Variants in TTC28 observed in about 807,000 individuals in gnomAD.
TTC28 encodes tetratricopeptide repeat domain 28, also known as tetratricopeptide repeat protein 28.
TTC28 carries 61 observed loss-of-function variants against 198.0 expected under a neutral mutation model. The ratio of observed to expected loss-of-function variants is 0.31; its 90% CI spans 0.25 to 0.38. TTC28 has a LOEUF of 0.38. Ranked by LOEUF, TTC28 falls within the 10% of genes least tolerant of loss-of-function variation. TTC28 has a pLI of 1.00. For missense variants in TTC28, 2,678 were observed against 3,164.0 expected, an observed-to-expected ratio of 0.85 and a Z score of 3.69; for synonymous variants, 1,171 against 1,297.8, an observed-to-expected ratio of 0.90 and a Z score of 2.10.
At chr22:28,186,768 A>T (rs1480394513) in intron 5 of TTC28, among the ~76,000 whole-genome samples, 1 of 152,144 alleles carries the variant, frequency 6.6e-6, no homozygotes, top group Non-Finnish European at 1.5e-5. Context: ...TGGTGAAAGG[A>T]GAGGTGATGA....
At chr22:28,110,443 T>A (rs967185705) in intron 6 of TTC28, among the ~76,000 whole-genome samples, 1 of 152,234 alleles carries the variant, frequency 6.6e-6, no homozygotes, top group African/African-American at 2.4e-5. Context: ...GCAAGAGCAC[T>A]GTAAAACTGC....
In TTC28 at chr22:27,998,826, G is replaced by A. The variant is rs1192040506; in HGVS notation, c.4833C>T (p.Val1611=). 1.3e-6 allele frequency: 2 copies of A among 1,550,276 alleles called. No homozygotes were observed. Among genetic ancestry groups the A allele is most frequent in the East Asian group, 4.9e-5 (2 of 40,938 alleles). Reference sequence around the variant, plus strand: ...GCTTCACAGGCAGCTGCAGGTCCAGGACGTCGGCGGCAGTAAGCAGCAGCT... The same window carrying A: ...GCTTCACAGGCAGCTGCAGGTCCAGAACGTCGGCGGCAGTAAGCAGCAGCT... ...LQELLLTAAD[V]LDLQLPVKLV... Residue 1611 remains valine (V), a synonymous_variant, in exon 16 of 23, where the codon GTC becomes GTT. Coordinates refer to ENST00000397906, the MANE Select transcript of TTC28 (RefSeq NM_001145418.2).
intron 14 of TTC28, among the ~76,000 whole-genome samples, chr22:28,011,128 T>G (rs879762035): frequency 1.3e-5 from 2 of 152,148 alleles, no homozygotes; most frequent in Non-Finnish European, 2.9e-5. Context: ...AATGACATGG[T>G]GTTTCCATTA....
chr22:28,539,468 C>G (rs578102558), intron 2 of TTC28, among the ~76,000 whole-genome samples: 125 of 152,022 alleles, frequency 8.2e-4, no homozygotes, highest in Non-Finnish European at 8.7e-4. Flanking sequence ...AAACCCATCT[C>G]TATAAAAATA....
chr22:28,200,613 C>T (rs181827143), intron 5 of TTC28, among the ~76,000 whole-genome samples: 22 of 152,102 alleles, frequency 1.4e-4, no homozygotes, highest in African/African-American at 3.9e-4. Flanking sequence ...GGTTTAGAAT[C>T]GGAGGGCTAG....
At chr22:28,561,931 C>T (rs535752529) in intron 2 of TTC28, among the ~76,000 whole-genome samples, 1 of 152,142 alleles carries the variant, frequency 6.6e-6, no homozygotes, top group Admixed American at 6.5e-5. Context: ...AGTATGTTGG[C>T]CCTGACAAAA....
intron 2 of TTC28, chr22:28,442,858 G>GC (rs1197257759): frequency 1.3e-5 from 2 of 152,380 alleles, no homozygotes; most frequent in Admixed American, 1.3e-4. Context: ...GGGCTTTGGG[G>GC]CCCCATTCCC....
chr22:28,535,795 T>C (rs1013884190), intron 2 of TTC28, among the ~76,000 whole-genome samples: 1 of 152,168 alleles, frequency 6.6e-6, no homozygotes, highest in African/African-American at 2.4e-5. Flanking sequence ...ATGTGAAGAC[T>C]GTGCCTGCTT....
At chr22:28,181,452 C>T (rs896299753) in intron 5 of TTC28, among the ~76,000 whole-genome samples, 1 of 152,182 alleles carries the variant, frequency 6.6e-6, no homozygotes, top group African/African-American at 2.4e-5. Context: ...AATAGTAAAA[C>T]TGCATTTAGT....
At chr22:28,547,823 A>T (rs1469288940) in intron 2 of TTC28, among the ~76,000 whole-genome samples, 1 of 152,110 alleles carries the variant, frequency 6.6e-6, no homozygotes, top group Non-Finnish European at 1.5e-5. Context: ...AGTTAAAAAA[A>T]AAAAAAGTAA....
chr22:28,329,023 C>G (rs904138676), intron 2 of TTC28, among the ~76,000 whole-genome samples: 4 of 151,836 alleles, frequency 2.6e-5, no homozygotes, highest in Admixed American at 2.0e-4. Context: ...AAGAAACTTA[C>G]CCAAGTTGCA....
At chr22:28,385,464 T>A (rs1188352946) in intron 2 of TTC28, among the ~76,000 whole-genome samples, 2 of 151,718 alleles carry the variant, frequency 1.3e-5, no homozygotes, top group Non-Finnish European at 2.9e-5. Context: ...CAGTTTACAT[T>A]TTTAGTTTTA....
At chr22:28,610,490 C>A (rs2050802276) in intron 2 of TTC28, among the ~76,000 whole-genome samples, 1 of 152,136 alleles carries the variant, frequency 6.6e-6, no homozygotes, top group Non-Finnish European at 1.5e-5. Flanking sequence ...AGACCTGCAG[C>A]AGAGGGGCCT....
intron 2 of TTC28, among the ~76,000 whole-genome samples, chr22:28,577,544 G>C (rs2050169632): frequency 6.6e-6 from 1 of 152,078 alleles, no homozygotes; most frequent in African/African-American, 2.4e-5. Context: ...TGGATGATCT[G>C]TCCAATGCTG....
rs1936920600 is a variant in TTC28, at chr22:27,978,570, G to C, written c.*3651C>G. 1 of 152,268 alleles carries C rather than the reference G, an allele frequency of 6.6e-6. No individual in the cohort carries two copies. The highest frequency in any genetic ancestry group is 6.5e-5 in the Admixed American group (1 of 15,290). The allele number at this position is 152,268 out of a possible 1,614,324, so 9.4% of individuals were successfully genotyped here. On this transcript the variant is annotated 3_prime_UTR_variant, in exon 23 of 23. Transcript: ENST00000397906. ...CTGGAGCGTCACTGGGACAGAGAGA[G>C]CAGGATGAGGACAGCGTGGGTGACA... is the stretch of plus-strand genomic sequence containing the variant.
chr22:28,278,032 T>A (rs370089063), intron 5 of TTC28, among the ~76,000 whole-genome samples: 2 of 152,178 alleles, frequency 1.3e-5, no homozygotes, highest in Admixed American at 1.3e-4. Context: ...GTCTCTGATA[T>A]GTCAGGTTAT....
chr22:28,583,723 AC>A, intron 2 of TTC28, among the ~76,000 whole-genome samples: 1 of 152,222 alleles, frequency 6.6e-6, no homozygotes, highest in East Asian at 1.9e-4. Context: ...AAAACAGTTA[AC>A]AAAATTCTTG....
At chr22:28,384,812 T>C (rs930937976) in intron 2 of TTC28, among the ~76,000 whole-genome samples, 2 of 152,144 alleles carry the variant, frequency 1.3e-5, no homozygotes, top group African/African-American at 4.8e-5. Context: ...CTTTGTCTAC[T>C]GCATTTCCTA....
chr22:28,484,852 G>A (rs956976047), intron 2 of TTC28, among the ~76,000 whole-genome samples: 1 of 152,154 alleles, frequency 6.6e-6, no homozygotes, highest in African/African-American at 2.4e-5. Flanking sequence ...CCTCAAACAT[G>A]ATTGATATGC....
Sources: gnomAD v4.1 joint callset for allele counts (sites outside exome capture counted in the v4.1 genomes callset) on GRCh38, gnomAD v4.1.1 for gene constraint, MANE v1.5 for transcripts, NCBI Gene and HGNC (gene_info 2026-07-23, HGNC 2026-07-21) for gene names.